Variants in SORBS2 observed in about 807,000 individuals in gnomAD.
SORBS2 encodes the protein sorbin and SH3 domain-containing protein 2.
Under a neutral mutation model 97.7 loss-of-function variants are expected in SORBS2, and 46 were observed. That is an observed-to-expected ratio of 0.47 (90% CI 0.37 to 0.60). The LOEUF (loss-of-function observed/expected upper bound fraction) is 0.60. Ranked by LOEUF, SORBS2 falls within the 20% of genes least tolerant of loss-of-function variation. SORBS2 has a pLI of 0.00. For synonymous variants in SORBS2, 476 were observed against 473.4 expected, an observed-to-expected ratio of 1.01 and a Z score of -0.07; for missense variants, 1,316 against 1,282.3, an observed-to-expected ratio of 1.03 and a Z score of -0.40.
At chr4:185,766,825 T>C (rs867451938) in intron 2 of SORBS2, among the ~76,000 whole-genome samples, 1 of 152,212 alleles carries the variant, frequency 6.6e-6, no homozygotes, top group African/African-American at 2.4e-5. Context: ...GTAGCCAACA[T>C]GCAATGCCTT....
chr4:185,751,689 C>T (rs1329581772), intron 2 of SORBS2, among the ~76,000 whole-genome samples: 1 of 151,972 alleles, frequency 6.6e-6, no homozygotes, highest in African/African-American at 2.4e-5. Context: ...GAGGCTAGGG[C>T]ATCAGAGGGG....
intron 12 of SORBS2, among the ~76,000 whole-genome samples, chr4:185,602,843 C>T (rs1209018001): frequency 6.6e-6 from 1 of 152,124 alleles, no homozygotes; most frequent in Non-Finnish European, 1.5e-5. Flanking sequence ...GCACAAATAA[C>T]TTCAGTGAAT....
chr4:185,897,585 G>A (rs1003394535), intron 1 of SORBS2, among the ~76,000 whole-genome samples: 5 of 152,110 alleles, frequency 3.3e-5, no homozygotes, highest in Admixed American at 2.0e-4. Flanking sequence ...ATTTTTCAGC[G>A]AACCTTCAGA....
chr4:185,677,328 T>TA, intron 4 of SORBS2: 1 of 1,552,388 alleles, frequency 6.4e-7, no homozygotes. Flanking sequence ...ATCTTGCCTG[T>TA]AGTCCTCTTG....
intron 2 of SORBS2, among the ~76,000 whole-genome samples, chr4:185,695,083 T>C (rs1321169562): frequency 6.6e-6 from 1 of 152,030 alleles, no homozygotes; most frequent in African/African-American, 2.4e-5. Flanking sequence ...TCAATACGTA[T>C]AAGAGAATAG....
At chr4:185,894,020 C>A (rs944905300) in intron 1 of SORBS2, among the ~76,000 whole-genome samples, 2 of 152,176 alleles carry the variant, frequency 1.3e-5, no homozygotes, top group Admixed American at 1.3e-4. Flanking sequence ...ATTTTCCCTA[C>A]AGATGCAAAT....
intron 1 of SORBS2, among the ~76,000 whole-genome samples, chr4:185,868,255 C>T (rs373584495): frequency 2.0e-5 from 3 of 150,452 alleles, no homozygotes; most frequent in African/African-American, 7.3e-5. Flanking sequence ...CTCCCGGGTT[C>T]AAGCGATTCT....
chr4:185,713,447 G>C (rs997710018), intron 2 of SORBS2, among the ~76,000 whole-genome samples: 2 of 152,212 alleles, frequency 1.3e-5, no homozygotes, highest in Non-Finnish European at 2.9e-5. Flanking sequence ...GATTAGCTCA[G>C]AAGAGCAGAG....
At chr4:185,785,411 T>C (rs2099051645) in intron 1 of SORBS2, among the ~76,000 whole-genome samples, 1 of 152,200 alleles carries the variant, frequency 6.6e-6, no homozygotes, top group Non-Finnish European at 1.5e-5. Flanking sequence ...TCTGATTAAG[T>C]ATCATGAATG....
chr4:185,711,006 A>T (rs2098415534), intron 2 of SORBS2, among the ~76,000 whole-genome samples: 1 of 151,950 alleles, frequency 6.6e-6, no homozygotes, highest in Admixed American at 6.6e-5. Flanking sequence ...GTCTCTCTCC[A>T]TTGCCCAGGC....
intron 1 of SORBS2, among the ~76,000 whole-genome samples, chr4:185,825,103 GACC>G (rs2099199036): frequency 6.6e-6 from 1 of 152,130 alleles, no homozygotes; most frequent in African/African-American, 2.4e-5. Context: ...AGCAGCTTCA[GACC>G]ACCAGTAATC....
Position 185,684,512 on chromosome 4 carries a change from T to C in SORBS2, c.-197-5690A>G, listed in dbSNP as rs1349350780. Among the ~76,000 whole-genome samples the C allele has an allele frequency of 1.3e-5, 2 of 152,058 alleles. No individual in the cohort carries two copies. The highest frequency in any genetic ancestry group is 2.1e-4 in the South Asian group (1 of 4,812). ...GGTTAAAAAAAAAAACCCCAAAACC[T>C]CTGAGTTATCTTAATGAAATATTAT... On this transcript the variant is annotated intron_variant, in intron 2 of 20. Transcript: ENST00000284776. This position sits in a 1 kb window ranked among gnomAD's most constrained non-coding sequence, Gnocchi z 4.2.
At chr4:185,925,907 C>G (rs1200487013) in intron 1 of SORBS2, among the ~76,000 whole-genome samples, 1 of 152,230 alleles carries the variant, frequency 6.6e-6, no homozygotes, top group Non-Finnish European at 1.5e-5. Flanking sequence ...GAAGTCTCCT[C>G]TGGCAAGACA....
intron 1 of SORBS2, among the ~76,000 whole-genome samples, chr4:185,805,265 A>C (rs1407316552): frequency 6.6e-6 from 1 of 151,940 alleles, no homozygotes; most frequent in Non-Finnish European, 1.5e-5. Flanking sequence ...AGCCTTTTTA[A>C]ATTTTCATGT....
intron 2 of SORBS2, among the ~76,000 whole-genome samples, chr4:185,715,983 T>A (rs1207290820): frequency 6.6e-6 from 1 of 152,250 alleles, no homozygotes; most frequent in Non-Finnish European, 1.5e-5. Context: ...TCTTTTTCTA[T>A]GGCAAGCCAC....
At chr4:185,910,599 G>A (rs536739985) in intron 1 of SORBS2, among the ~76,000 whole-genome samples, 6 of 151,980 alleles carry the variant, frequency 3.9e-5, no homozygotes, top group South Asian at 4.2e-4. Flanking sequence ...CCAGGCTGGC[G>A]TTCAGTGGCT....
intron 1 of SORBS2, among the ~76,000 whole-genome samples, chr4:185,866,870 G>A (rs1463171070): frequency 6.6e-6 from 1 of 152,172 alleles, no homozygotes; most frequent in East Asian, 1.9e-4. Context: ...CTATGCCCAA[G>A]CATTGGCATT....
Position 185,684,886 on chromosome 4 carries a change from G to T in SORBS2, c.-197-6064C>A, listed in dbSNP as rs756576783. On this transcript the variant is annotated intron_variant, in intron 2 of 20. Coordinates refer to the SORBS2 transcript ENST00000284776. The surrounding 1 kb of genome is among the most constrained non-coding windows in gnomAD (Gnocchi z 4.2). ...ATGATATAGCAGAGGCCAAGGCAACGGGAAAAGCACGTGCAATATCATGCG... is the reference window on the plus strand; with the variant it reads ...ATGATATAGCAGAGGCCAAGGCAACTGGAAAAGCACGTGCAATATCATGCG... The T allele has an allele frequency of 6.8e-7, 1 of 1,462,626 alleles. No homozygotes were observed. Among genetic ancestry groups the T allele is most frequent in the Non-Finnish European group, 9.4e-7 (1 of 1,066,492 alleles). The allele number at this position is 1,462,626 out of a possible 1,614,324, so 90.6% of individuals were successfully genotyped here. A position where few individuals can be genotyped will look rare whatever the true frequency, so the allele number is the denominator to read the frequency against.
chr4:185,634,165 C>G (rs571424063), intron 4 of SORBS2, among the ~76,000 whole-genome samples: 13 of 152,196 alleles, frequency 8.5e-5, no homozygotes, highest in African/African-American at 3.1e-4. Context: ...TCAGTTTTAA[C>G]ACACACTCTG....
Sources: allele counts gnomAD v4.1 joint callset (sites outside exome capture counted in the v4.1 genomes callset), GRCh38; gene constraint gnomAD v4.1.1; non-coding constraint Gnocchi (gnomAD v3.1); transcripts MANE v1.5; gene names NCBI Gene and HGNC (gene_info 2026-07-23, HGNC 2026-07-21).